PAPPA2: variants seen among roughly 807,000 people sequenced by gnomAD.
PAPPA2 encodes the protein pappalysin-2.
A neutral mutation model predicts 176.4 loss-of-function variants in PAPPA2; 86 were observed. That is an observed-to-expected ratio of 0.49 (90% CI 0.41 to 0.58). The LOEUF is 0.58. Ranked by LOEUF, PAPPA2 falls within the 20% of genes least tolerant of loss-of-function variation. The pLI is 0.00. For synonymous variants in PAPPA2, 809 were observed against 852.2 expected (o/e 0.95, Z 0.88); for missense variants, 2,073 against 2,256.9 (o/e 0.92, Z 1.65).
Position 176,624,158 on chromosome 1 carries a change from T to C in PAPPA2, c.1991+28563T>C, listed in dbSNP as rs74127212. ...TTGGGAGACTTCCTAAGGGACCAGG[T>C]TTTTGTTTGATTCAATGTAAATACA... On this transcript the variant is annotated intron_variant, in intron 3 of 22. Coordinates refer to ENST00000367662, the MANE Select transcript of PAPPA2 (RefSeq NM_020318.3). Among the ~76,000 whole-genome samples the C allele has an allele frequency of 6.6e-3, 1,012 of 152,246 alleles. 15 individuals are homozygous for C. Among genetic ancestry groups the C allele is most frequent in the African/African-American group, 0.021 (864 of 41,524 alleles).
intron 1 of PAPPA2, among the ~76,000 whole-genome samples, chr1:176,524,173 G>A (rs1649353583): frequency 6.7e-6 from 1 of 150,244 alleles, no homozygotes; most frequent in Non-Finnish European, 1.5e-5. Context: ...CAGTCATTAT[G>A]GCTTAAAACT....
At chr1:176,479,383 C>T (rs1305334236) in intron 1 of PAPPA2, among the ~76,000 whole-genome samples, 2 of 152,154 alleles carry the variant, frequency 1.3e-5, no homozygotes, top group Non-Finnish European at 2.9e-5. Flanking sequence ...TAAAAAAAGG[C>T]AGTGGTGATT....
chr1:176,599,227 A>T (rs1429325991), intron 3 of PAPPA2, among the ~76,000 whole-genome samples: 1 of 151,918 alleles, frequency 6.6e-6, no homozygotes, highest in African/African-American at 2.4e-5. Flanking sequence ...ACACAAATAT[A>T]TTTGCATATT....
intron 21 of PAPPA2, among the ~76,000 whole-genome samples, chr1:176,816,156 A>ATATG (rs1666377832): frequency 2.0e-5 from 1 of 48,850 alleles, no homozygotes; most frequent in Admixed American, 2.1e-4. Context: ...CACAGTGTAT[A>ATATG]TATATATATA....
At chr1:176,641,289 C>T (rs1657072178) in intron 3 of PAPPA2, among the ~76,000 whole-genome samples, 1 of 152,014 alleles carries the variant, frequency 6.6e-6, no homozygotes, top group Admixed American at 6.6e-5. Flanking sequence ...AATGGTATTG[C>T]CTAGGTTTTC....
At chr1:176,774,372 T>C (rs909300517) in intron 17 of PAPPA2, among the ~76,000 whole-genome samples, 1 of 152,160 alleles carries the variant, frequency 6.6e-6, no homozygotes, top group African/African-American at 2.4e-5. Context: ...ATATCGTGTC[T>C]ACATCTCAAA....
chr1:176,711,618 C>T (rs116095882), intron 11 of PAPPA2, among the ~76,000 whole-genome samples: 1,836 of 152,196 alleles, frequency 0.012, 44 homozygotes, highest in African/African-American at 0.042. Context: ...CGATGATAAA[C>T]GAGAGTTGTT....
Position 176,797,970 on chromosome 1 carries a change from C to T in PAPPA2, c.5131-2091C>T, listed in dbSNP as rs1259702309. Among the ~76,000 whole-genome samples, 28 of 152,184 alleles carry T rather than the reference C, an allele frequency of 1.8e-4. 1 individual carries two copies. Among genetic ancestry groups the T allele is most frequent in the Admixed American group, 1.8e-3 (27 of 15,280 alleles). ...CTGGCAAATGCTTGTAAAATTTCGTCTTTCCATAAGTCACTGAGGTAAGAA... is the reference window on the plus strand; with the variant it reads ...CTGGCAAATGCTTGTAAAATTTCGTTTTTCCATAAGTCACTGAGGTAAGAA... On this transcript the variant is annotated intron_variant, in intron 20 of 22. Transcript: ENST00000367662.
chr1:176,757,887 A>G (rs1003748690), intron 14 of PAPPA2, among the ~76,000 whole-genome samples: 6 of 152,170 alleles, frequency 3.9e-5, no homozygotes, highest in African/African-American at 1.2e-4. Flanking sequence ...GGTAAAACCC[A>G]TACCCAGAAT....
In PAPPA2 at chr1:176,556,484, C is replaced by G. The variant is rs758881250; in HGVS notation, c.162C>G (p.Ala54=). The change falls in exon 2 of 23, where the codon GCC becomes GCG. Residue 54 remains alanine (A), a synonymous_variant. Transcript: ENST00000367662. ...LLEGERCWLG[A]KVRRPRASPQ... ...AAGGAGAACGTTGTTGGCTGGGGGC[C>G]AAGGTTCGAAGACCCAGAGCTTCTC... The G allele has an allele frequency of 6.2e-7, 1 of 1,614,142 alleles. No homozygotes were observed. The highest frequency in any genetic ancestry group is 2.2e-5 in the East Asian group (1 of 44,866).
intron 1 of PAPPA2, among the ~76,000 whole-genome samples, chr1:176,472,403 C>T (rs1312741083): frequency 6.6e-6 from 1 of 152,126 alleles, no homozygotes; most frequent in South Asian, 2.1e-4. Flanking sequence ...CTTTCATTGA[C>T]ATTTGAATCC....
At chr1:176,550,635 G>A (rs2294649) in intron 1 of PAPPA2, among the ~76,000 whole-genome samples, 14,822 of 152,228 alleles carry the variant, frequency 0.097, 956 homozygotes, top group Non-Finnish European at 0.14. Flanking sequence ...GACATACTTT[G>A]ATCTATTTGG....
chr1:176,486,970 C>T (rs528342433), intron 1 of PAPPA2, among the ~76,000 whole-genome samples: 2 of 151,648 alleles, frequency 1.3e-5, no homozygotes, highest in South Asian at 4.2e-4. Flanking sequence ...TGAAGTGAAA[C>T]CAAATCTGGA....
chr1:176,604,228 A>G (rs1654486146), intron 3 of PAPPA2, among the ~76,000 whole-genome samples: 1 of 152,036 alleles, frequency 6.6e-6, no homozygotes, highest in African/African-American at 2.4e-5. Context: ...TTGGCTCTTT[A>G]TGGTTTCTTC....
At chr1:176,682,892 A>T (rs1219112458) in intron 4 of PAPPA2, among the ~76,000 whole-genome samples, 1 of 152,154 alleles carries the variant, frequency 6.6e-6, no homozygotes, top group Non-Finnish European at 1.5e-5. Context: ...ACATAGGCAC[A>T]TGCAGACCAG....
chr1:176,518,433 T>C (rs775508281), intron 1 of PAPPA2, among the ~76,000 whole-genome samples: 7 of 148,684 alleles, frequency 4.7e-5, no homozygotes, highest in Non-Finnish European at 8.9e-5. Context: ...TTACCTGTAA[T>C]TGTGGAAAGC....
At position 176,548,429 on chromosome 1, in the gene PAPPA2, A is replaced by G. The variant is rs1011325953; in HGVS notation, c.-916-6978A>G. ...TGGCTGGGCTACATTTCTTGGAGAC[A>G]TTGGACCCTCACTCAATAGAGACTT... On this transcript the variant is annotated intron_variant, in intron 1 of 22. Coordinates refer to ENST00000367662, the MANE Select transcript of PAPPA2 (RefSeq NM_020318.3). Among the ~76,000 whole-genome samples the G allele has an allele frequency of 2.0e-5, 3 of 152,288 alleles. No individual in the cohort carries two copies. The East Asian group carries it at 5.8e-4, about 29-fold the overall frequency.
rs1238236202 is a variant in PAPPA2, at chr1:176,475,065, TTG to T, written c.-917+11657_-917+11658del. On this transcript the variant is annotated intron_variant, in intron 1 of 22. Transcript: ENST00000367662. ...GTGGTATTAAGAGAAATTTTGTTTTTTGTGTGTGTGTTTTTTATATTTTTTAT... is the reference window on the plus strand; with the variant it reads ...GTGGTATTAAGAGAAATTTTGTTTTTTGTGTGTGTTTTTTATATTTTTTAT... Among the ~76,000 whole-genome samples, 5 of 152,290 alleles carry T rather than the reference TTG, an allele frequency of 3.3e-5. No homozygotes were observed. The East Asian group carries it at 9.6e-4, about 29-fold the overall frequency.
rs142993547 is a variant in PAPPA2 at position 176,487,955 on chromosome 1, C to T, written c.-917+24537C>T. On this transcript the variant is annotated intron_variant, in intron 1 of 22. Coordinates refer to ENST00000367662, the MANE Select transcript of PAPPA2 (RefSeq NM_020318.3). Reference sequence around the variant, plus strand: ...AACGAGGTTGATGTGGAAATCCTACCTGGGATTTTAGGCAGGTAAGTAGAA... The same window carrying T: ...AACGAGGTTGATGTGGAAATCCTACTTGGGATTTTAGGCAGGTAAGTAGAA... Among the ~76,000 whole-genome samples the T allele has an allele frequency of 5.2e-3, 794 of 152,230 alleles. 6 individuals carry two copies. Among genetic ancestry groups the T allele is most frequent in the Middle Eastern group, 0.017 (5 of 294 alleles).
Sources: allele counts gnomAD v4.1 joint callset (sites outside exome capture counted in the v4.1 genomes callset), GRCh38; gene constraint gnomAD v4.1.1; transcripts MANE v1.5; gene names NCBI Gene and HGNC (gene_info 2026-07-23, HGNC 2026-07-21).